Variants in GIP observed in about 807,000 individuals in gnomAD.
GIP encodes the protein gastric inhibitory polypeptide.
A neutral mutation model predicts 18.1 loss-of-function variants in GIP; 16 were observed. The observed-to-expected ratio is 0.88, with a 90% CI of 0.60 to 1.34. The LOEUF is 1.34. Ranked by LOEUF, GIP falls within the 40% of genes most tolerant of loss-of-function variation. The pLI is 0.00. For synonymous variants in GIP, 76 were observed against 74.0 expected (o/e 1.03, Z -0.14); for missense variants, 192 against 183.4 (o/e 1.05, Z -0.27).
In GIP at chr17:48,959,625, A is replaced by AC. The variant is rs558576488; in HGVS notation, c.453-910dup. Reference sequence around the variant, plus strand: ...CTAGCTGATGAGGGGGATTCAAGAGACCATTGAAGCCAGCAGTGGCCACAG... The same window carrying AC: ...CTAGCTGATGAGGGGGATTCAAGAGACCCATTGAAGCCAGCAGTGGCCACAG... On this transcript the variant is annotated intron_variant, in intron 5 of 5. Coordinates refer to ENST00000357424, the MANE Select transcript of GIP (RefSeq NM_004123.3). Among the ~76,000 whole-genome samples, 625 of 152,342 alleles carry AC rather than the reference A, an allele frequency of 4.1e-3. 7 individuals are homozygous for AC. Among genetic ancestry groups the AC allele is most frequent in the African/African-American group, 0.015 (605 of 41,574 alleles).
At chr17:48,959,426 G>C (rs2041187276) in intron 5 of GIP, among the ~76,000 whole-genome samples, 1 of 152,088 alleles carries the variant, frequency 6.6e-6, no homozygotes, top group Non-Finnish European at 1.5e-5. Flanking sequence ...TCCTGTCCCA[G>C]ATTTGCTCCC....
At chr17:48,964,206 G>A (rs993150675) in intron 3 of GIP, 104 bp downstream of exon 3, 20 of 737,142 alleles carry the variant, frequency 2.7e-5, no homozygotes, top group Non-Finnish European at 4.4e-5. Flanking sequence ...GCCACCTGGG[G>A]TTGTGCATCA....
At chr17:48,960,672 T>G (rs1253082683) in intron 5 of GIP, among the ~76,000 whole-genome samples, 2 of 152,164 alleles carry the variant, frequency 1.3e-5, no homozygotes, top group African/African-American at 4.8e-5. Context: ...CTTTTTTTTC[T>G]TTTGTTTTTT....
In GIP at chr17:48,964,360, G is replaced by A. The variant is rs1191401175; in HGVS notation, c.207C>T (p.His69=). The A allele has an allele frequency of 1.9e-6, 3 of 1,613,800 alleles. No homozygotes were observed. In the South Asian group the frequency reaches 3.3e-5, roughly 18 times the overall value. The change falls in exon 3 of 6, where the codon CAC becomes CAT. Residue 69 remains histidine, a synonymous_variant. Coordinates refer to ENST00000357424, the MANE Select transcript of GIP (RefSeq NM_004123.3). ...SDYSIAMDKI[H]QQDFVNWLLA... ...GCAGCCAGTTCACAAAGTCTTGTTG[G>A]TGAATCTTGTCCATGGCAATACTGT...
chr17:48,958,676 G>A lies in GIP; in HGVS notation c.*31C>T, dbSNP rs752712089. The A allele has an allele frequency of 6.4e-7, 1 of 1,565,454 alleles. No homozygotes were observed. Among genetic ancestry groups the A allele is most frequent in the Admixed American group, 1.8e-5 (1 of 54,340 alleles). On this transcript the variant is annotated 3_prime_UTR_variant, in exon 6 of 6. Transcript: ENST00000357424. ...TGAGGCAGGTGCTAAGTGAAGGGCAGAATCCAGTCCTGAGCTGGGTGTGGT... is the reference window on the plus strand; with the variant it reads ...TGAGGCAGGTGCTAAGTGAAGGGCAAAATCCAGTCCTGAGCTGGGTGTGGT...
rs2041181709 is a variant in GIP, at chr17:48,958,645, T to TGGGGCTGAGGCA, written c.*50_*61dup. 1 of 1,391,618 alleles carries TGGGGCTGAGGCA rather than the reference T, an allele frequency of 7.2e-7. No homozygotes were observed. Among genetic ancestry groups the TGGGGCTGAGGCA allele is most frequent in the African/African-American group, 1.4e-5 (1 of 69,698 alleles). The allele number at this position is 1,391,618 out of a possible 1,614,324, so 86.2% of individuals were successfully genotyped here. A position where few individuals can be genotyped will look rare whatever the true frequency, so the allele number is the denominator to read the frequency against. On this transcript the variant is annotated 3_prime_UTR_variant, in exon 6 of 6. Coordinates refer to ENST00000357424, the MANE Select transcript of GIP (RefSeq NM_004123.3). ...TTGGGTTCTCTTGGCTATTCTGGAGTGGGGCTGAGGCAGGTGCTAAGTGAA... is the reference window on the plus strand; with the variant it reads ...TTGGGTTCTCTTGGCTATTCTGGAGTGGGGCTGAGGCAGGGGCTGAGGCAGGTGCTAAGTGAA...
intron 2 of GIP, among the ~76,000 whole-genome samples, chr17:48,966,159 A>G (rs1215945178): frequency 6.7e-6 from 1 of 149,462 alleles, no homozygotes; most frequent in East Asian, 2.0e-4. Flanking sequence ...TTGGGAGGCT[A>G]AAGCAGAGAA....
chr17:48,967,647 C>T (rs62078385), intron 1 of GIP, among the ~76,000 whole-genome samples: 61,270 of 151,156 alleles, frequency 0.41, 14,795 homozygotes, highest in East Asian at 0.7. Flanking sequence ...CGTGAGCCAT[C>T]GCGCCTTGCC....
At chr17:48,966,271 A>AT (rs397940707) in intron 2 of GIP, among the ~76,000 whole-genome samples, 1 of 146,592 alleles carries the variant, frequency 6.8e-6, no homozygotes, top group Non-Finnish European at 1.5e-5. Context: ...AAAAAAAAAA[A>AT]GGGCCAGGCA....
In GIP at chr17:48,960,987, G is replaced by T. The variant is rs746346513; in HGVS notation, c.351C>A (p.Ser117Arg). The T allele has an allele frequency of 1.0e-5, 16 of 1,599,526 alleles. No individual in the cohort carries two copies. The highest frequency in any genetic ancestry group is 1.2e-5 in the Non-Finnish European group (14 of 1,171,848). ...CATCGCTGGGGTTCTTGGCTGGGGA[G>T]CTGCAAGGGAACAGTCTCTGGCTAA... The part of the protein sequence containing the change: ...RKEEEAVEPQ[S>R]SPAKNPSDED... The change falls in exon 5 of 6, where the codon AGC (serine) becomes AGA (arginine). Residue 117 changes from serine (S) to arginine (R), a missense_variant and splice_region_variant. By Grantham distance (110) the Ser-to-Arg change is moderately radical (BLOSUM62 -1). Coordinates refer to ENST00000357424, the MANE Select transcript of GIP (RefSeq NM_004123.3).
chr17:48,964,244 C>CCTCCTCTGAA, intron 3 of GIP, 66 bp downstream of exon 3: 1 of 1,277,674 alleles, frequency 7.8e-7, no homozygotes, highest in Non-Finnish European at 1.1e-6. Context: ...CAGCCGGTGG[C>CCTCCTCTGAA]CTCCTCTGAA....
At chr17:48,965,294 T>C (rs1445959580) in intron 2 of GIP, among the ~76,000 whole-genome samples, 10 of 84,630 alleles carry the variant, frequency 1.2e-4, no homozygotes, top group South Asian at 5.5e-4. Context: ...AGAGCAAAAC[T>C]TCGTCTCAAT....
At chr17:48,966,682 C>T (rs764835543) in intron 2 of GIP, among the ~76,000 whole-genome samples, 1 of 152,002 alleles carries the variant, frequency 6.6e-6, no homozygotes, top group Non-Finnish European at 1.5e-5. Context: ...TGGTACATGC[C>T]TGTGGTCCTA....
chr17:48,958,647 G>A lies in GIP; in HGVS notation c.*60C>T, dbSNP rs2041181732. 1 of 1,416,730 alleles carries A rather than the reference G, an allele frequency of 7.1e-7. No individual in the cohort carries two copies. Among genetic ancestry groups the A allele is most frequent in the Non-Finnish European group, 9.8e-7 (1 of 1,020,832 alleles). 87.8% of individuals were successfully genotyped at this position (1,416,730 alleles called of 1,614,324 possible). On this transcript the variant is annotated 3_prime_UTR_variant, in exon 6 of 6. Coordinates refer to ENST00000357424, the MANE Select transcript of GIP (RefSeq NM_004123.3). ...GGGTTCTCTTGGCTATTCTGGAGTGGGGCTGAGGCAGGTGCTAAGTGAAGG... is the reference window on the plus strand; with the variant it reads ...GGGTTCTCTTGGCTATTCTGGAGTGAGGCTGAGGCAGGTGCTAAGTGAAGG...
At chr17:48,966,747 A>G (rs1442529015) in intron 2 of GIP, among the ~76,000 whole-genome samples, 13 of 152,124 alleles carry the variant, frequency 8.5e-5, no homozygotes, top group African/African-American at 3.1e-4. Context: ...CAGAGGCTGC[A>G]GTGAGCTGCG....
rs113838755 is a variant in GIP at position 48,960,815 on chromosome 17, G to A, written c.452+71C>T. 1.1e-3 allele frequency: 951 copies of A among 902,756 alleles called. 8 individuals carry two copies. In the African/African-American group the frequency reaches 0.014, roughly 13 times the overall value. The allele number at this position is 902,756 out of a possible 1,614,324, so 55.9% of individuals were successfully genotyped here. On this transcript the variant is annotated intron_variant, in intron 5 of 5. Coordinates refer to ENST00000357424, the MANE Select transcript of GIP (RefSeq NM_004123.3). ...ATGTAATCAGCCAGCATGTGGAGGG[G>A]CAAAGATCTGAATCCATGTCTGATG...
intron 2 of GIP, among the ~76,000 whole-genome samples, chr17:48,965,205 G>T (rs1431529834): frequency 6.7e-6 from 1 of 150,364 alleles, no homozygotes; most frequent in Non-Finnish European, 1.5e-5. Context: ...GGAGGCTGAG[G>T]CAGGAGAATC....
At chr17:48,962,515 C>T (rs549376937) in intron 3 of GIP, among the ~76,000 whole-genome samples, 2 of 151,888 alleles carry the variant, frequency 1.3e-5, no homozygotes, top group African/African-American at 2.4e-5. Context: ...ATTACAGGCA[C>T]GTGCCACCAC....
chr17:48,968,180 C>T (rs2041245669), intron 1 of GIP, among the ~76,000 whole-genome samples: 1 of 152,110 alleles, frequency 6.6e-6, no homozygotes, highest in Non-Finnish European at 1.5e-5. Context: ...GCAGCCTCGA[C>T]CTCCTGGGCT....
Sources: gnomAD v4.1 joint callset for allele counts (sites outside exome capture counted in the v4.1 genomes callset) on GRCh38, gnomAD v4.1.1 for gene constraint, MANE v1.5 for transcripts, NCBI Gene and HGNC (gene_info 2026-07-23, HGNC 2026-07-21) for gene names.